Variants in ESRRG observed in about 807,000 individuals in gnomAD.
ESRRG encodes estrogen related receptor gamma.
ESRRG carries 13 observed loss-of-function variants against 44.0 expected under a neutral mutation model. The ratio of observed to expected loss-of-function variants is 0.30; its 90% CI spans 0.19 to 0.47. The LOEUF (loss-of-function observed/expected upper bound fraction) is 0.47. ESRRG is among the 20% of genes least tolerant of loss of function. The probability of loss-of-function intolerance (pLI) is 1.00; values close to 1 mark genes in which losing one functional copy is unlikely to be tolerated. For missense variants in ESRRG, 395 were observed against 580.6 expected, an observed-to-expected ratio of 0.68 and a Z score of 3.29; for synonymous variants, 215 against 214.6, an observed-to-expected ratio of 1.00 and a Z score of -0.02.
At chr1:216,928,102 A>C (rs1387027026) in intron 2 of ESRRG, among the ~76,000 whole-genome samples, 1 of 152,182 alleles carries the variant, frequency 6.6e-6, no homozygotes, top group Non-Finnish European at 1.5e-5. Flanking sequence ...CCTAATGGTG[A>C]CCGTGGAATC....
At chr1:216,965,251 C>G (rs556312611) in intron 1 of ESRRG, among the ~76,000 whole-genome samples, 3 of 152,152 alleles carry the variant, frequency 2.0e-5, no homozygotes, top group Admixed American at 6.5e-5. Context: ...CCATCCCAAC[C>G]TGAATGGCAA....
intron 2 of ESRRG, among the ~76,000 whole-genome samples, chr1:216,793,451 T>C (rs879538992): frequency 1.3e-5 from 2 of 152,158 alleles, no homozygotes; most frequent in African/African-American, 2.4e-5. Context: ...CCAGCTGCCA[T>C]GTTGTAAGCA....
At chr1:216,697,058 C>T (rs779937142) in intron 1 of ESRRG, among the ~76,000 whole-genome samples, 11 of 152,062 alleles carry the variant, frequency 7.2e-5, no homozygotes, top group Non-Finnish European at 1.2e-4. Flanking sequence ...ATCCACCTCC[C>T]GGGTTCAAGT....
At chr1:216,895,685 C>T (rs1222544302) in intron 2 of ESRRG, among the ~76,000 whole-genome samples, 4 of 152,140 alleles carry the variant, frequency 2.6e-5, no homozygotes, top group African/African-American at 4.8e-5. Context: ...AAAGCACATT[C>T]ACTAGCTATA....
At chr1:216,539,376 T>C (rs889962504) in intron 5 of ESRRG, among the ~76,000 whole-genome samples, 4 of 152,002 alleles carry the variant, frequency 2.6e-5, no homozygotes, top group African/African-American at 9.7e-5. Flanking sequence ...GTTTGGTTGC[T>C]TAGTATGGCC....
At chr1:216,641,443 A>G (rs2066405850) in intron 3 of ESRRG, among the ~76,000 whole-genome samples, 1 of 152,230 alleles carries the variant, frequency 6.6e-6, no homozygotes, top group Admixed American at 6.5e-5. Context: ...CCCCTTTTAT[A>G]TAATAGATGA....
chr1:217,072,360 G>A (rs1312289887), intron 1 of ESRRG, among the ~76,000 whole-genome samples: 1 of 152,140 alleles, frequency 6.6e-6, no homozygotes, highest in African/African-American at 2.4e-5. Context: ...CTATTCCAGA[G>A]GCATACTTAT....
At chr1:216,569,158 G>GAGGGAAGGGAAGGGA (rs1287968465) in intron 3 of ESRRG, among the ~76,000 whole-genome samples, 16 of 48,944 alleles carry the variant, frequency 3.3e-4, no homozygotes, top group African/African-American at 8.3e-4. Flanking sequence ...AGTGGAAGAG[G>GAGGGAAGGGAAGGGA]AGGGAAGGGA....
chr1:216,520,059 T>C (rs1424144294), intron 5 of ESRRG, among the ~76,000 whole-genome samples: 1 of 152,100 alleles, frequency 6.6e-6, no homozygotes, highest in African/African-American at 2.4e-5. Context: ...AAGTGTAATA[T>C]GTAGCAGCCT....
chr1:216,731,123 C>T (rs1202329948), intron 2 of ESRRG, among the ~76,000 whole-genome samples: 1 of 152,142 alleles, frequency 6.6e-6, no homozygotes, highest in Non-Finnish European at 1.5e-5. Flanking sequence ...AAATCATGAT[C>T]CCAGATATGT....
At chr1:216,732,924 T>C (rs2089156409) in intron 2 of ESRRG, among the ~76,000 whole-genome samples, 1 of 151,846 alleles carries the variant, frequency 6.6e-6, no homozygotes, top group Non-Finnish European at 1.5e-5. Flanking sequence ...TGGTTAGGCA[T>C]AGCTCCAAAT....
At chr1:217,122,492 T>C (rs1308064256) in intron 1 of ESRRG, among the ~76,000 whole-genome samples, 2 of 152,128 alleles carry the variant, frequency 1.3e-5, no homozygotes. Context: ...ATATCAATCA[T>C]CACATCTCAG....
At chr1:216,912,026 C>A (rs997143672) in intron 2 of ESRRG, among the ~76,000 whole-genome samples, 14 of 150,448 alleles carry the variant, frequency 9.3e-5, no homozygotes, top group African/African-American at 3.4e-4. Flanking sequence ...TGGAGCCTGG[C>A]AGGTCAAGGC....
intron 2 of ESRRG, among the ~76,000 whole-genome samples, chr1:216,776,768 C>T (rs572467934): frequency 3.3e-5 from 5 of 152,094 alleles, no homozygotes; most frequent in Non-Finnish European, 5.9e-5. Flanking sequence ...AATCTCAAGA[C>T]CCCCCAGTCC....
At chr1:216,843,568 A>G (rs1328672566) in intron 2 of ESRRG, among the ~76,000 whole-genome samples, 1 of 152,166 alleles carries the variant, frequency 6.6e-6, no homozygotes, top group African/African-American at 2.4e-5. Flanking sequence ...TCAGTCTTCC[A>G]TAATCCAGGG....
At chr1:216,593,796 G>C (rs2058048906) in intron 3 of ESRRG, among the ~76,000 whole-genome samples, 1 of 152,228 alleles carries the variant, frequency 6.6e-6, no homozygotes, top group African/African-American at 2.4e-5. Flanking sequence ...ATGGAGTGCA[G>C]TGATACGATC....
rs1013079555 is a variant in ESRRG at position 216,665,609 on chromosome 1, C to T, written c.472+11467G>A. The stretch of plus-strand genomic sequence containing the variant: ...CTGGCATGATGAAATACTAAAGACT[C>T]GTGAGCTATTGCACAACCATGAGCA... On this transcript the variant is annotated intron_variant, in intron 2 of 6. Transcript: ENST00000408911. Among the ~76,000 whole-genome samples, 4 of 151,944 alleles carry T rather than the reference C, an allele frequency of 2.6e-5. No homozygotes were observed. In the East Asian group the frequency reaches 5.8e-4, roughly 22 times the overall value.
At chr1:216,789,213 A>C (rs894613473) in intron 2 of ESRRG, among the ~76,000 whole-genome samples, 3 of 152,148 alleles carry the variant, frequency 2.0e-5, no homozygotes, top group Admixed American at 2.0e-4. Flanking sequence ...ATTATTCATG[A>C]AAGTAAGAGT....
Position 216,938,664 on chromosome 1 carries a change from C to A in ESRRG, c.-14+918G>T, listed in dbSNP as rs552308097. Among the ~76,000 whole-genome samples, 10 of 152,270 alleles carry A rather than the reference C, an allele frequency of 6.6e-5. No individual in the cohort carries two copies. In the East Asian group the frequency reaches 1.2e-3, roughly 18 times the overall value. On this transcript the variant is annotated intron_variant, in intron 2 of 7. Coordinates refer to the ESRRG transcript ENST00000359162. ...ACTCCAAAGGGTTCACTAGCAAGTA[C>A]CATTGAAAGGCATCATTGGCAGTGA...
Sources: gnomAD v4.1 joint callset for allele counts (sites outside exome capture counted in the v4.1 genomes callset) on GRCh38, gnomAD v4.1.1 for gene constraint, MANE v1.5 for transcripts, NCBI Gene and HGNC (gene_info 2026-07-23, HGNC 2026-07-21) for gene names.